Variants in DLX4 observed in about 807,000 individuals in gnomAD.
DLX4 encodes homeobox protein DLX-4.
A neutral mutation model predicts 17.1 loss-of-function variants in DLX4; 13 were observed. The ratio of observed to expected loss-of-function variants is 0.76; its 90% CI spans 0.49 to 1.21. DLX4 has a LOEUF of 1.21. DLX4 is among the 50% of genes most tolerant of loss of function. The pLI is 0.00. For synonymous variants in DLX4, 129 were observed against 140.3 expected (o/e 0.92, Z 0.57); for missense variants, 297 against 301.4 (o/e 0.99, Z 0.11).
At chr17:49,971,584 T>G (rs1443654289) in intron 1 of DLX4, among the ~76,000 whole-genome samples, 1 of 150,786 alleles carries the variant, frequency 6.6e-6, no homozygotes, top group East Asian at 2.0e-4. Flanking sequence ...GCTGGGAGAG[T>G]TGGGGCGCGG....
In DLX4 at chr17:49,973,822, T is replaced by G; in HGVS notation, c.602T>G (p.Leu201Arg). Residue 201 changes from leucine (L) to arginine (R), a missense_variant, in exon 3 of 3, where the codon CTC becomes CGC. By Grantham distance (102) the Leu-to-Arg change is moderately radical (BLOSUM62 -2). Coordinates refer to ENST00000240306, the MANE Select transcript of DLX4 (RefSeq NM_138281.3). ...TFSVSPCSPP[L>R]PSLWDLPKAG... Reference sequence around the variant, plus strand: ...TCTGTGTCTCCCTGCTCCCCACCCCTCCCCTCCCTCTGGGATCTACCCAAG... The same window carrying G: ...TCTGTGTCTCCCTGCTCCCCACCCCGCCCCTCCCTCTGGGATCTACCCAAG... 6.6e-6 allele frequency: 6 copies of G among 911,742 alleles called. No homozygotes were observed. Among genetic ancestry groups the G allele is most frequent in the Non-Finnish European group, 6.7e-6 (4 of 599,590 alleles). 56.5% of individuals were successfully genotyped at this position (911,742 alleles called of 1,614,324 possible).
In DLX4 at chr17:49,969,674, AC is replaced by A. The variant is rs1192550766; in HGVS notation, c.208del (p.Leu70CysfsTer63). 1 of 1,607,048 alleles carries A rather than the reference AC, an allele frequency of 6.2e-7. No homozygotes were observed. Among genetic ancestry groups the A allele is most frequent in the Admixed American group, 1.7e-5 (1 of 59,956 alleles). On this transcript the variant is annotated frameshift_variant, in exon 1 of 3. Transcript: ENST00000240306. LOFTEE classifies it high-confidence loss of function. Reference sequence around the variant, plus strand: ...GAGCCAGCGAACCCCGGAGACTCCTACCTGTCCTGCCAGCAACCCGCGGCGC... The same window carrying A: ...GAGCCAGCGAACCCCGGAGACTCCTACTGTCCTGCCAGCAACCCGCGGCGC... ...YTEPANPGDS[Y>X]LSCQQPAALS...
upstream of DLX4, chr17:49,969,098 G>T (rs765156649): frequency 9.0e-6 from 2 of 221,140 alleles, no homozygotes; most frequent in Non-Finnish European, 1.8e-5. Context: ...CTCTACAGCG[G>T]GCTGTCCCGG....
chr17:49,969,790 T>G (rs1035777370), intron 1 of DLX4, 39 bp downstream of exon 1: 4 of 1,522,450 alleles, frequency 2.6e-6, no homozygotes, highest in Non-Finnish European at 3.5e-6. Flanking sequence ...CCTCTGGGGT[T>G]CGGCTCCTGT....
chr17:49,973,006 A>C, intron 1 of DLX4, 67 bp from the exon 2 acceptor site: 1 of 1,572,692 alleles, frequency 6.4e-7, no homozygotes, highest in Non-Finnish European at 8.7e-7. Context: ...AAATAAGCTT[A>C]TGAAACTGTC....
Position 49,973,717 on chromosome 17 carries a change from A to C in DLX4, c.497A>C (p.Gln166Pro). 6.7e-7 allele frequency: 1 copy of C among 1,502,364 alleles called. No individual in the cohort carries two copies. Among genetic ancestry groups the C allele is most frequent in the Non-Finnish European group, 8.9e-7 (1 of 1,125,282 alleles). The allele number at this position is 1,502,364 out of a possible 1,614,324, so 93.1% of individuals were successfully genotyped here. ...LTQTQVKIWF[Q>P]NKRSKYKKLL... ...TTCCCGAAGGTAAAGATCTGGTTTC[A>C]GAACAAACGCTCCAAGTATAAGAAG... The change falls in exon 3 of 3, where the codon CAG (glutamine) becomes CCG (proline). Residue 166 changes from glutamine (Q) to proline (P), a missense_variant. Gln to Pro is a moderately conservative substitution (Grantham distance 76, BLOSUM62 -1). Transcript: ENST00000240306.
chr17:49,973,909 C>A lies in DLX4; in HGVS notation c.689C>A (p.Ser230Tyr). ...TTTGGAGCCTGGTATCAGCATCACT[C>A]CTCAGATGTCCTGGCTTCGCCTCAG... Reference protein sequence around the residue: ...NSFGAWYQHHSSDVLASPQMM With the variant: ...NSFGAWYQHHYSDVLASPQMM Residue 230 changes from serine to tyrosine, a missense_variant, in exon 3 of 3, where the codon TCC becomes TAC. By Grantham distance (144) the Ser-to-Tyr change is moderately radical. Transcript: ENST00000240306. The A allele has an allele frequency of 6.2e-7, 1 of 1,610,608 alleles. No individual in the cohort carries two copies. The highest frequency in any genetic ancestry group is 8.5e-7 in the Non-Finnish European group (1 of 1,178,508).
Position 49,969,500 on chromosome 17 carries a change from G to T in DLX4, c.32G>T (p.Arg11Leu). 1 of 1,604,168 alleles carries T rather than the reference G, an allele frequency of 6.2e-7. No individual in the cohort carries two copies. The highest frequency in any genetic ancestry group is 1.1e-5 in the South Asian group (1 of 90,310). ...TCTTTGCCCTGCCCCCTCCCCGGCC[G>T]GGACGCCTCCAAAGCTGTCTTCCCA... Reference protein sequence around the residue: MTSLPCPLPGRDASKAVFPDL... With the variant: MTSLPCPLPGLDASKAVFPDL... The change falls in exon 1 of 3, where the codon CGG becomes CTG. Residue 11 changes from arginine (R) to leucine (L), a missense_variant. By Grantham distance (102) the Arg-to-Leu change is moderately radical. Transcript: ENST00000240306.
rs750866926 is a variant in DLX4, at chr17:49,973,191, G to C, written c.402G>C (p.Gln134His). Reference protein sequence around the residue: ...YSSLQLQHLNQRFQHTQYLAL... With the variant: ...YSSLQLQHLNHRFQHTQYLAL... ...GCCTGCAGCTGCAGCACCTAAACCA[G>C]CGTTTCCAGCACACGCAGTACCTGG... is the stretch of plus-strand genomic sequence containing the variant. The change falls in exon 2 of 3, where the codon CAG (glutamine) becomes CAC (histidine). Residue 134 changes from glutamine (Q) to histidine (H), a missense_variant. By Grantham distance (24) the Gln-to-His change is conservative (BLOSUM62 0). Transcript: ENST00000240306. 6.2e-7 allele frequency: 1 copy of C among 1,614,202 alleles called. No homozygotes were observed. Among genetic ancestry groups the C allele is most frequent in the Non-Finnish European group, 8.5e-7 (1 of 1,180,038 alleles).
chr17:49,969,853 C>A (rs1342928890), intron 1 of DLX4, 102 bp downstream of exon 1: 1 of 986,238 alleles, frequency 1.0e-6, no homozygotes. Context: ...GGGATTCAAA[C>A]CTTCCTTGGA....
chr17:49,969,409 T>C lies in DLX4; in HGVS notation c.-60T>C, dbSNP rs1905417571. 2 of 1,460,180 alleles carry C rather than the reference T, an allele frequency of 1.4e-6. No individual in the cohort carries two copies. Among genetic ancestry groups the C allele is most frequent in the South Asian group, 1.4e-5 (1 of 70,338 alleles). The allele number at this position is 1,460,180 out of a possible 1,614,324, so 90.5% of individuals were successfully genotyped here. On this transcript the variant is annotated 5_prime_UTR_variant, in exon 1 of 3. Transcript: ENST00000240306. ...AACGCCGGAGGCTTGGAAAAGAGAG[T>C]TGGCAGCGGGAGCGGACTACGTGCC...
Position 49,973,686 on chromosome 17 carries a change from C to T in DLX4, c.481-15C>T. On this transcript the variant is annotated splice_polypyrimidine_tract_variant and intron_variant, in intron 2 of 2. Coordinates refer to ENST00000240306, the MANE Select transcript of DLX4 (RefSeq NM_138281.3). ...TCCTCCTGATCTTTCATTCTTTCCC[C>T]TTTTCTTCCCGAAGGTAAAGATCTG... 1 of 1,493,416 alleles carries T rather than the reference C, an allele frequency of 6.7e-7. No individual in the cohort carries two copies. The highest frequency in any genetic ancestry group is 8.9e-7 in the Non-Finnish European group (1 of 1,121,130). 92.5% of individuals were successfully genotyped at this position (1,493,416 alleles called of 1,614,324 possible).
chr17:49,971,016 G>A (rs776263493), intron 1 of DLX4, among the ~76,000 whole-genome samples: 4 of 152,192 alleles, frequency 2.6e-5, no homozygotes, highest in Admixed American at 1.3e-4. Context: ...TGGAGTGGGC[G>A]CAGTTGCAGG....
In DLX4 at chr17:49,970,793, A is replaced by C. The variant is rs181361123; in HGVS notation, c.283+1042A>C. 2.6e-5 allele frequency among the ~76,000 whole-genome samples: 4 copies of C among 152,280 alleles called. No homozygotes were observed. The East Asian group carries it at 7.7e-4, about 29-fold the overall frequency. ...TCACTGGAGTCAGCTCAGGACCAAG[A>C]CATCTTCCTCCCTTCTCCTGTGGCT... On this transcript the variant is annotated intron_variant, in intron 1 of 2. Transcript: ENST00000240306.
chr17:49,969,402 AAG>A lies in DLX4; in HGVS notation c.-62_-61del. 1.4e-6 allele frequency: 2 copies of A among 1,465,060 alleles called. No homozygotes were observed. Among genetic ancestry groups the A allele is most frequent in the Non-Finnish European group, 1.8e-6 (2 of 1,113,652 alleles). The allele number at this position is 1,465,060 out of a possible 1,614,324, so 90.8% of individuals were successfully genotyped here. On this transcript the variant is annotated 5_prime_UTR_variant, in exon 1 of 3. Transcript: ENST00000240306. ...CCGGCCCAACGCCGGAGGCTTGGAAAAGAGAGTTGGCAGCGGGAGCGGACTAC... is the reference window on the plus strand; with the variant it reads ...CCGGCCCAACGCCGGAGGCTTGGAAAAGAGTTGGCAGCGGGAGCGGACTAC...
rs766087683 is a variant in DLX4 at position 49,969,562 on chromosome 17, C to A, written c.94C>A (p.Pro32Thr). 5.6e-6 allele frequency: 9 copies of A among 1,613,624 alleles called. No homozygotes were observed. The South Asian group carries it at 9.9e-5, about 18-fold the overall frequency. Residue 32 changes from proline to threonine, a missense_variant, in exon 1 of 3, where the codon CCG becomes ACG. Coordinates refer to ENST00000240306, the MANE Select transcript of DLX4 (RefSeq NM_138281.3). ...APVPSVAAAY[P>T]LGLSPTTAAS... ...TGTCCCGTCGGTAGCGGCTGCCTAC[C>A]CGCTTGGCTTGTCCCCTACAACCGC...
rs1905529535 is a variant in DLX4 at position 49,972,165 on chromosome 17, C to A, written c.284-908C>A. 6.6e-6 allele frequency: 1 copy of A among 152,480 alleles called. No individual in the cohort carries two copies. Among genetic ancestry groups the A allele is most frequent in the African/African-American group, 2.4e-5 (1 of 41,442 alleles). 9.4% of individuals were successfully genotyped at this position (152,480 alleles called of 1,614,324 possible). A position where few individuals can be genotyped will look rare whatever the true frequency, so the allele number is the denominator to read the frequency against. ...CAGAAACCCCTCGGCCCAACCCTCC[C>A]CTGTCCCTCAGCATTCTAGGGCTGG... On this transcript the variant is annotated intron_variant, in intron 1 of 2. Coordinates refer to ENST00000240306, the MANE Select transcript of DLX4 (RefSeq NM_138281.3). This position sits in a 1 kb window ranked among gnomAD's most constrained non-coding sequence, Gnocchi z 5.4.
Position 49,973,792 on chromosome 17 carries a change from C to A in DLX4, c.572C>A (p.Thr191Asn). 6.3e-7 allele frequency: 1 copy of A among 1,597,890 alleles called. No homozygotes were observed. Among genetic ancestry groups the A allele is most frequent in the African/African-American group, 1.3e-5 (1 of 74,430 alleles). The change falls in exon 3 of 3, where the codon ACC becomes AAC. Residue 191 changes from threonine to asparagine, a missense_variant. Coordinates refer to ENST00000240306, the MANE Select transcript of DLX4 (RefSeq NM_138281.3). Reference sequence around the variant, plus strand: ...CAGGAAGGGGACTTCCCTGGGAGGACCTTCTCTGTGTCTCCCTGCTCCCCA... The same window carrying A: ...CAGGAAGGGGACTTCCCTGGGAGGAACTTCTCTGTGTCTCCCTGCTCCCCA... ...GGQEGDFPGRTFSVSPCSPPL... is the reference protein window; with the variant it reads ...GGQEGDFPGRNFSVSPCSPPL...
intron 1 of DLX4, 42 bp from the exon 2 acceptor site, chr17:49,973,031 G>C (rs1484910390): frequency 1.2e-6 from 2 of 1,603,464 alleles, no homozygotes; most frequent in African/African-American, 1.3e-5. Flanking sequence ...CTACCCCCTC[G>C]CTCCCTCCTC....
Sources: gnomAD v4.1 joint callset for allele counts (sites outside exome capture counted in the v4.1 genomes callset) on GRCh38, gnomAD v4.1.1 for gene constraint, Gnocchi (gnomAD v3.1) non-coding constraint, MANE v1.5 for transcripts, NCBI Gene and HGNC (gene_info 2026-07-23, HGNC 2026-07-21) for gene names.